RSF1: variants seen among roughly 807,000 people sequenced by gnomAD.
RSF1 encodes HBV pX-associated protein 8.
RSF1 carries 13 observed loss-of-function variants against 145.2 expected under a neutral mutation model. That is an observed-to-expected ratio of 0.09 (90% CI 0.06 to 0.14). RSF1 has a LOEUF of 0.14. RSF1 is among the 10% of genes least tolerant of loss of function. RSF1 has a pLI of 1.00. For missense variants in RSF1, 1,517 were observed against 1,718.2 expected (o/e 0.88, Z 2.07); for synonymous variants, 577 against 592.6 (o/e 0.97, Z 0.38).
At chr11:77,687,055 A>T (rs947905239) in intron 9 of RSF1, among the ~76,000 whole-genome samples, 2 of 152,218 alleles carry the variant, frequency 1.3e-5, no homozygotes, top group Admixed American at 6.5e-5. Flanking sequence ...AAAAGTGAAT[A>T]TAAGTGCTTA....
At chr11:77,861,556 T>C in the RSF1 span, among the ~76,000 whole-genome samples, 10 of 152,218 alleles carry the variant, frequency 6.6e-5, no homozygotes, top group Admixed American at 6.5e-4. Context: ...ATTTGGTTAA[T>C]GGCTTCTGAC....
At position 77,701,158 on chromosome 11, in the gene RSF1, T is replaced by C. The variant is rs750973509; in HGVS notation, c.2071A>G (p.Ile691Val). 1.3e-5 allele frequency: 21 copies of C among 1,614,056 alleles called. No homozygotes were observed. Among genetic ancestry groups the C allele is most frequent in the South Asian group, 6.6e-5 (6 of 91,086 alleles). Residue 691 changes from isoleucine (I) to valine (V), a missense_variant, in exon 6 of 16, where the codon ATA (isoleucine) becomes GTA (valine). Coordinates refer to ENST00000308488, the MANE Select transcript of RSF1 (RefSeq NM_016578.4). ...DNLDNAQTSG[I>V]EEPSETKGSM... is the part of the protein sequence containing the mutation. ...CCCTTTGTCTCAGAAGGCTCCTCTA[T>C]GCCAGAGGTCTGGGCATTGTCCAGA...
chr11:77,757,602 C>T lies in RSF1; in HGVS notation c.279+6996G>A, dbSNP rs7941014. Among the ~76,000 whole-genome samples, 193 of 152,138 alleles carry T rather than the reference C, an allele frequency of 1.3e-3. 1 individual carries two copies. Among genetic ancestry groups the T allele is most frequent in the African/African-American group, 4.4e-3 (183 of 41,502 alleles). On this transcript the variant is annotated intron_variant, in intron 2 of 15. Transcript: ENST00000308488. ...CCAAGGCAGGAGAATCGCTTGAACC[C>T]GGGAAGCGGAGGTTGCAGTGAGCCA... is the stretch of plus-strand genomic sequence containing the variant.
chr11:77,806,791 A>C (rs1242886614), intron 1 of RSF1, among the ~76,000 whole-genome samples: 1 of 152,190 alleles, frequency 6.6e-6, no homozygotes, highest in African/African-American at 2.4e-5. Context: ...TGAAAAAACA[A>C]GGGAGGAGGG....
chr11:77,699,471 A>T (rs112722728), intron 6 of RSF1, among the ~76,000 whole-genome samples: 1,634 of 152,356 alleles, frequency 0.011, 13 homozygotes, highest in South Asian at 0.02. Context: ...ACTTACAATG[A>T]AGAATGATCT....
At chr11:77,703,666 C>A (rs1960476136) in intron 5 of RSF1, 1 of 152,100 alleles carries the variant, frequency 6.6e-6, no homozygotes, top group African/African-American at 2.4e-5. Context: ...AGCCAAGAAC[C>A]ATTTAGAACC....
At chr11:77,831,562 A>G in the RSF1 span, among the ~76,000 whole-genome samples, 2 of 152,254 alleles carry the variant, frequency 1.3e-5, no homozygotes, top group East Asian at 3.9e-4. Flanking sequence ...TGGTGTTCTG[A>G]GAACCAATCT....
At chr11:77,864,401 C>T in the RSF1 span, among the ~76,000 whole-genome samples, 1 of 151,850 alleles carries the variant, frequency 6.6e-6, no homozygotes, top group Non-Finnish European at 1.5e-5. Context: ...GATCAAGCCA[C>T]TGCACTCCAG....
In RSF1 at chr11:77,764,602, A is replaced by T. The variant is rs769458775; in HGVS notation, c.275T>A (p.Ile92Asn). ...VTADRWEKYL[I>N]KICQEFNSTW... is the part of the protein sequence containing the mutation. ...AAATTTACAAATACTAGTTACCTTG[A>T]TCAAATATTTTTCCCATCTGTCTGC... The change falls in exon 2 of 16, where the codon ATC becomes AAC. Residue 92 changes from isoleucine (I) to asparagine (N), a missense_variant. Physicochemically the swap from Ile to Asn is moderately radical, Grantham distance 149. Transcript: ENST00000308488. The T allele has an allele frequency of 6.4e-7, 1 of 1,569,998 alleles. No individual in the cohort carries two copies. Among genetic ancestry groups the T allele is most frequent in the Non-Finnish European group, 8.8e-7 (1 of 1,141,324 alleles).
chr11:77,839,357 T>G, the RSF1 span, among the ~76,000 whole-genome samples: 7 of 152,176 alleles, frequency 4.6e-5, no homozygotes, highest in Non-Finnish European at 1.0e-4. Context: ...AGGAATGCTT[T>G]TACACTATTG....
chr11:77,844,592 C>T, the RSF1 span, among the ~76,000 whole-genome samples: 1 of 152,028 alleles, frequency 6.6e-6, no homozygotes, highest in South Asian at 2.1e-4. Context: ...GAACTCCTGA[C>T]CCCAAGAAAT....
intron 1 of RSF1, among the ~76,000 whole-genome samples, chr11:77,767,906 A>G (rs1310005494): frequency 3.3e-5 from 5 of 152,202 alleles, no homozygotes; most frequent in Non-Finnish European, 7.3e-5. Flanking sequence ...AATAAAAGTG[A>G]ATAAATGTTT....
intron 2 of RSF1, 54 bp from the exon 3 acceptor site, chr11:77,747,182 G>A: frequency 9.0e-7 from 1 of 1,110,650 alleles, no homozygotes. Context: ...ATTTATGTTT[G>A]CAGGCTTGTA....
At chr11:77,730,646 A>G (rs543451327) in intron 4 of RSF1, among the ~76,000 whole-genome samples, 5 of 152,198 alleles carry the variant, frequency 3.3e-5, no homozygotes, top group Non-Finnish European at 5.9e-5. Context: ...TAACTCCCAC[A>G]ATTCCCACGT....
At chr11:77,728,620 G>C (rs545784386) in intron 4 of RSF1, among the ~76,000 whole-genome samples, 2 of 151,444 alleles carry the variant, frequency 1.3e-5, no homozygotes, top group African/African-American at 4.9e-5. Flanking sequence ...GGAGAAGGGA[G>C]ACGGGAGAAG....
At position 77,701,510 on chromosome 11, in the gene RSF1, A is replaced by C. The variant is rs771331547; in HGVS notation, c.1719T>G (p.Thr573=). The C allele has an allele frequency of 1.1e-5, 17 of 1,613,620 alleles. No homozygotes were observed. Among genetic ancestry groups the C allele is most frequent in the Admixed American group, 1.7e-5 (1 of 59,942 alleles). The change falls in exon 6 of 16, where the codon ACT becomes ACG. Residue 573 remains threonine, a synonymous_variant. Transcript: ENST00000308488. ...GGATTGGTGGGCGCTTATCCTTCTTAGTTTTGGGAGACTTCTCTTCACCTT... is the reference window on the plus strand; with the variant it reads ...GGATTGGTGGGCGCTTATCCTTCTTCGTTTTGGGAGACTTCTCTTCACCTT... ...TMKGEEKSPK[T]KKDKRPPILE... is the part of the protein sequence containing the mutation.
At chr11:77,866,740 A>T in the RSF1 span, 3 of 152,182 alleles carry the variant, frequency 2.0e-5, no homozygotes, top group African/African-American at 7.2e-5. Flanking sequence ...GAAAAAAAAA[A>T]TATTAAAAAA....
chr11:77,817,006 G>A (rs1253922525), intron 1 of RSF1, among the ~76,000 whole-genome samples: 4 of 152,140 alleles, frequency 2.6e-5, no homozygotes, highest in African/African-American at 9.7e-5. Context: ...ATCTCTCTCT[G>A]TAGCTTGATT....
chr11:77,858,299 A>ATTAT, the RSF1 span, among the ~76,000 whole-genome samples: 3 of 91,554 alleles, frequency 3.3e-5, no homozygotes, highest in Admixed American at 1.2e-4. Flanking sequence ...CGTTTAAGCA[A>ATTAT]TTCTTTTTTT....
Sources: allele counts gnomAD v4.1 joint callset (sites outside exome capture counted in the v4.1 genomes callset), GRCh38; gene constraint gnomAD v4.1.1; transcripts MANE v1.5; gene names NCBI Gene and HGNC (gene_info 2026-07-23, HGNC 2026-07-21).